Variants in NUP210 observed in about 807,000 individuals in gnomAD.
NUP210 encodes the protein nuclear pore membrane glycoprotein 210.
Under a neutral mutation model 196.0 loss-of-function variants are expected in NUP210, and 151 were observed. The ratio of observed to expected loss-of-function variants is 0.77; its 90% confidence interval spans 0.67 to 0.88. The LOEUF (loss-of-function observed/expected upper bound fraction) is 0.88. NUP210 is among the 40% of genes least tolerant of loss of function. The pLI is 0.00. For synonymous variants in NUP210, 1,070 were observed against 1,052.7 expected, an observed-to-expected ratio of 1.02 and a Z score of -0.32; for missense variants, 2,314 against 2,493.7, an observed-to-expected ratio of 0.93 and a Z score of 1.53.
At chr3:13,397,523 A>ACAGTCC (rs1356978967) in intron 2 of NUP210, 35 bp from the exon 3 acceptor site, 2 of 1,542,208 alleles carry the variant, frequency 1.3e-6, no homozygotes, top group Non-Finnish European at 1.7e-6. Flanking sequence ...AGCACCAAAG[A>ACAGTCC]CAGTCCCCGC....
chr3:13,349,174 G>A (rs1364816905), intron 20 of NUP210, among the ~76,000 whole-genome samples: 1 of 152,218 alleles, frequency 6.6e-6, no homozygotes, highest in Non-Finnish European at 1.5e-5. Context: ...ACAAGGGCCT[G>A]TGGTGCGTGA....
chr3:13,350,841 C>G lies in NUP210; in HGVS notation c.2835+1038G>C, dbSNP rs953957778. Among the ~76,000 whole-genome samples, 3 of 151,742 alleles carry G rather than the reference C, an allele frequency of 2.0e-5. No individual in the cohort carries two copies. Among genetic ancestry groups the G allele is most frequent in the Non-Finnish European group, 4.4e-5 (3 of 67,910 alleles). On this transcript the variant is annotated intron_variant, in intron 20 of 39. Coordinates refer to ENST00000254508, the MANE Select transcript of NUP210 (RefSeq NM_024923.4). The surrounding 1 kb of genome is among the most constrained non-coding windows in gnomAD (Gnocchi z 4.1). ...CCGAGTAGCTGGGAATACAGGCGCCCGCCACTACGCCTGGCTAATTTTTTT... is the reference window on the plus strand; with the variant it reads ...CCGAGTAGCTGGGAATACAGGCGCCGGCCACTACGCCTGGCTAATTTTTTT...
Position 13,351,996 on chromosome 3 carries a change from G to C in NUP210, c.2734-16C>G, listed in dbSNP as rs1351557277. ...GGAGCTCTGCCTGCAGGAGGCAGAT[G>C]CAGGGAGGGTTGGGCCGCATGTGGG... On this transcript the variant is annotated splice_polypyrimidine_tract_variant and intron_variant, in intron 19 of 39. Coordinates refer to ENST00000254508, the MANE Select transcript of NUP210 (RefSeq NM_024923.4). 1 of 1,606,086 alleles carries C rather than the reference G, an allele frequency of 6.2e-7. No individual in the cohort carries two copies. Among genetic ancestry groups the C allele is most frequent in the Non-Finnish European group, 8.5e-7 (1 of 1,173,116 alleles).
intron 27 of NUP210, 127 bp from the exon 28 acceptor site, chr3:13,335,739 A>C (rs142429133): frequency 1.0e-5 from 11 of 1,071,142 alleles, no homozygotes; most frequent in Non-Finnish European, 1.5e-5. Flanking sequence ...CCTGTTCTCA[A>C]GGGCTCTGCC....
chr3:13,321,283 G>C (rs1001445400), intron 36 of NUP210, among the ~76,000 whole-genome samples: 6 of 152,206 alleles, frequency 3.9e-5, no homozygotes, highest in East Asian at 1.9e-4. Flanking sequence ...TGAATTCTGC[G>C]ATGCCACGCA....
chr3:13,379,055 G>T lies in NUP210; in HGVS notation c.977-75C>A. 1 of 1,235,578 alleles carries T rather than the reference G, an allele frequency of 8.1e-7. No homozygotes were observed. Among genetic ancestry groups the T allele is most frequent in the Non-Finnish European group, 1.2e-6 (1 of 835,996 alleles). 76.5% of individuals were successfully genotyped at this position (1,235,578 alleles called of 1,614,324 possible). A position where few individuals can be genotyped will look rare whatever the true frequency, so the allele number is the denominator to read the frequency against. ...GGCTGGCCAGTTTCAGCTTGGCTCA[G>T]AATCCTGATCATCAAGACATCACAT... On this transcript the variant is annotated intron_variant, in intron 7 of 39. Coordinates refer to ENST00000254508, the MANE Select transcript of NUP210 (RefSeq NM_024923.4). The surrounding 1 kb of genome is among the most constrained non-coding windows in gnomAD (Gnocchi z 4.2).
In NUP210 at chr3:13,322,342, A is replaced by C. The variant is rs138303583; in HGVS notation, c.4769-3T>G. The C allele has an allele frequency of 1.1e-4, 182 of 1,614,166 alleles. No homozygotes were observed. The African/African-American group carries it at 2.3e-3, about 21-fold the overall frequency. The stretch of plus-strand genomic sequence containing the variant: ...CCTCTGGGTGGGGGTGCACTCGCCT[A>C]GAGAGGGGAGAGACGAGAGGGTGTG... On this transcript the variant is annotated splice_polypyrimidine_tract_variant and splice_region_variant and intron_variant, in intron 34 of 39. Transcript: ENST00000254508.
intron 1 of NUP210, among the ~76,000 whole-genome samples, chr3:13,403,184 C>T (rs776443081): frequency 8.5e-5 from 13 of 152,214 alleles, no homozygotes; most frequent in Non-Finnish European, 1.8e-4. Flanking sequence ...AGTCACACGT[C>T]TTAGTCTTTT....
intron 20 of NUP210, among the ~76,000 whole-genome samples, chr3:13,346,321 T>A (rs1242476546): frequency 6.6e-6 from 1 of 152,214 alleles, no homozygotes; most frequent in Non-Finnish European, 1.5e-5. Flanking sequence ...CACTCCTAAC[T>A]ACACTGTGCA....
rs1553601585 is a variant in NUP210 at position 13,366,070 on chromosome 3, T to C, written c.1808A>G (p.Glu603Gly). 3.7e-6 allele frequency: 6 copies of C among 1,613,882 alleles called. No individual in the cohort carries two copies. In the South Asian group the frequency reaches 6.6e-5, roughly 18 times the overall value. Residue 603 changes from glutamate (E) to glycine (G), a missense_variant, in exon 14 of 40, where the codon GAG (glutamate) becomes GGG (glycine). Coordinates refer to ENST00000254508, the MANE Select transcript of NUP210 (RefSeq NM_024923.4). ...PLPGRLPPGS[E>G]HCSGIRVKAE... ...CTTTACCCGGATGCCGCTGCAGTGC[T>C]CAGAGCCTGGCGGCAGCCTCCCTAC...
chr3:13,394,770 A>T (rs1419739251), intron 3 of NUP210, among the ~76,000 whole-genome samples: 1 of 152,236 alleles, frequency 6.6e-6, no homozygotes, highest in African/African-American at 2.4e-5. Flanking sequence ...CTTTCTTGAC[A>T]TTCATCAATA....
intron 20 of NUP210, chr3:13,345,237 C>T (rs1697675832): frequency 2.0e-6 from 2 of 985,294 alleles, no homozygotes; most frequent in Non-Finnish European, 2.4e-6. Context: ...CTGAAAATCA[C>T]CTGCAACCCT....
At chr3:13,419,639 G>C (rs942474210) in intron 1 of NUP210, among the ~76,000 whole-genome samples, 5 of 152,218 alleles carry the variant, frequency 3.3e-5, no homozygotes, top group African/African-American at 1.2e-4. Context: ...ACGCCAGGGC[G>C]AGGGCGGTCA....
At chr3:13,405,956 ATTCAT>A (rs1428561256) in intron 1 of NUP210, among the ~76,000 whole-genome samples, 5 of 152,346 alleles carry the variant, frequency 3.3e-5, no homozygotes, top group Middle Eastern at 3.4e-3. Flanking sequence ...ACTATTACAT[ATTCAT>A]TTAAGTGTTT....
intron 20 of NUP210, among the ~76,000 whole-genome samples, chr3:13,344,471 A>T (rs934516387): frequency 1.6e-4 from 24 of 152,196 alleles, no homozygotes; most frequent in Admixed American, 3.3e-4. Flanking sequence ...GGGGAGCAAG[A>T]GGTTTTAAAG....
chr3:13,348,992 C>T lies in NUP210; in HGVS notation c.2835+2887G>A. 2 of 770,738 alleles carry T rather than the reference C, an allele frequency of 2.6e-6. No homozygotes were observed. The highest frequency in any genetic ancestry group is 3.2e-6 in the Non-Finnish European group (2 of 633,666). 47.7% of individuals were successfully genotyped at this position (770,738 alleles called of 1,614,324 possible). On this transcript the variant is annotated intron_variant, in intron 20 of 39. Coordinates refer to ENST00000254508, the MANE Select transcript of NUP210 (RefSeq NM_024923.4). This position sits in a 1 kb window ranked among gnomAD's most constrained non-coding sequence, Gnocchi z 4.0. ...AAGCTCTTGCCTCACAGGCCCACAC[C>T]CCCACACATCAAAAAACAGCCGGAG... is the stretch of plus-strand genomic sequence containing the variant.
chr3:13,319,952 C>T lies in NUP210; in HGVS notation c.5194G>A (p.Ala1732Thr). Residue 1732 changes from alanine (A) to threonine (T), a missense_variant, in exon 37 of 40, where the codon GCA becomes ACA. Coordinates refer to ENST00000254508, the MANE Select transcript of NUP210 (RefSeq NM_024923.4). ...CCAAAAGACTTCTCCTTTGCGAATG[C>T]CAGCACGGCCGGGGACCCGGATTTC... ...EVKSGSPAVL[A>T]FAKEKSFGWP... 2 of 1,614,010 alleles carry T rather than the reference C, an allele frequency of 1.2e-6. No individual in the cohort carries two copies. The highest frequency in any genetic ancestry group is 1.1e-5 in the South Asian group (1 of 91,088).
chr3:13,348,916 A>C lies in NUP210; in HGVS notation c.2835+2963T>G. 2 of 985,058 alleles carry C rather than the reference A, an allele frequency of 2.0e-6. No individual in the cohort carries two copies. The highest frequency in any genetic ancestry group is 2.4e-6 in the Non-Finnish European group (2 of 829,592). The allele number at this position is 985,058 out of a possible 1,614,324, so 61.0% of individuals were successfully genotyped here. A position where few individuals can be genotyped will look rare whatever the true frequency, so the allele number is the denominator to read the frequency against. On this transcript the variant is annotated intron_variant, in intron 20 of 39. Coordinates refer to ENST00000254508, the MANE Select transcript of NUP210 (RefSeq NM_024923.4). This position sits in a 1 kb window ranked among gnomAD's most constrained non-coding sequence, Gnocchi z 4.0. ...AACTGAATTAAAAAACTTATTAAACAGGGGGTGTTTCACACAAAAATAGAG... is the reference window on the plus strand; with the variant it reads ...AACTGAATTAAAAAACTTATTAAACCGGGGGTGTTTCACACAAAAATAGAG...
intron 20 of NUP210, among the ~76,000 whole-genome samples, chr3:13,349,225 C>T (rs544552964): frequency 1.3e-5 from 2 of 152,188 alleles, no homozygotes; most frequent in Admixed American, 6.5e-5. Context: ...CCCCAGTGAG[C>T]GGGGCTCCGC....
Sources: allele counts gnomAD v4.1 joint callset (sites outside exome capture counted in the v4.1 genomes callset), GRCh38; gene constraint gnomAD v4.1.1; non-coding constraint Gnocchi (gnomAD v3.1); transcripts MANE v1.5; gene names NCBI Gene and HGNC (gene_info 2026-07-23, HGNC 2026-07-21).